The following AP3B1 variants were observed in gnomAD, a reference collection of about 807,000 sequenced individuals.
AP3B1 encodes adaptor related protein complex 3 subunit beta 1.
Under a neutral mutation model 132.5 loss-of-function variants are expected in AP3B1, and 61 were observed. The observed-to-expected ratio is 0.46, with a 90% CI of 0.37 to 0.57. The LOEUF (loss-of-function observed/expected upper bound fraction) is 0.57, where lower values mean the gene tolerates loss of function less well. AP3B1 is among the 20% of genes least tolerant of loss of function. The probability of loss-of-function intolerance (pLI) is 0.00; values close to 1 mark genes in which losing one functional copy is unlikely to be tolerated. For missense variants in AP3B1, 1,120 were observed against 1,289.4 expected (o/e 0.87, Z 2.01); for synonymous variants, 388 against 438.3 (o/e 0.89, Z 1.43).
chr5:78,243,357 C>T (rs1441889091), intron 2 of AP3B1, among the ~76,000 whole-genome samples: 2 of 152,184 alleles, frequency 1.3e-5, no homozygotes, highest in Non-Finnish European at 2.9e-5. Flanking sequence ...TACTCCATGA[C>T]TATCTAACTT....
At chr5:78,011,647 G>A (rs1746631369) in intron 26 of AP3B1, among the ~76,000 whole-genome samples, 1 of 152,034 alleles carries the variant, frequency 6.6e-6, no homozygotes, top group Non-Finnish European at 1.5e-5. Context: ...GCTGTGTTAG[G>A]AATCATTTTC....
chr5:78,067,893 G>A (rs561681563), intron 22 of AP3B1, among the ~76,000 whole-genome samples: 1 of 150,146 alleles, frequency 6.7e-6, no homozygotes, highest in South Asian at 2.1e-4. Flanking sequence ...CCTAGCAGAA[G>A]ACAAGAAATA....
chr5:78,001,277 T>C (rs1340597575), downstream of AP3B1: 1 of 152,226 alleles, frequency 6.6e-6, no homozygotes, highest in East Asian at 1.9e-4. Flanking sequence ...TTCAAAAAGT[T>C]ATTGACTTAA....
intron 7 of AP3B1, among the ~76,000 whole-genome samples, chr5:78,213,379 T>C (rs200217605): frequency 6.6e-6 from 1 of 152,192 alleles, no homozygotes; most frequent in South Asian, 2.1e-4. Flanking sequence ...ACAGACATGG[T>C]CCTAGTGTTG....
intron 24 of AP3B1, among the ~76,000 whole-genome samples, chr5:78,032,776 A>T (rs977995587): frequency 2.6e-5 from 4 of 152,064 alleles, no homozygotes; most frequent in Non-Finnish European, 5.9e-5. Flanking sequence ...AAAACATACT[A>T]ATGTAAATGC....
At chr5:78,188,579 A>C (rs1458953649) in intron 7 of AP3B1, among the ~76,000 whole-genome samples, 2 of 152,224 alleles carry the variant, frequency 1.3e-5, no homozygotes, top group African/African-American at 4.8e-5. Context: ...CTCAAAAAAC[A>C]GACGCTGGCC....
intron 1 of AP3B1, among the ~76,000 whole-genome samples, chr5:78,289,320 T>G (rs1378971748): frequency 6.6e-6 from 1 of 152,236 alleles, no homozygotes. Context: ...ATTTTCATGT[T>G]TGATATTGTA....
intron 21 of AP3B1, among the ~76,000 whole-genome samples, chr5:78,093,431 G>A (rs1750620644): frequency 6.6e-6 from 1 of 152,194 alleles, no homozygotes; most frequent in Non-Finnish European, 1.5e-5. Flanking sequence ...TGGAAGGGGG[G>A]ATTTGCATAT....
intron 7 of AP3B1, among the ~76,000 whole-genome samples, chr5:78,194,925 A>T (rs1029540760): frequency 4.6e-5 from 7 of 152,214 alleles, no homozygotes; most frequent in African/African-American, 1.7e-4. Flanking sequence ...CTATTTCATA[A>T]AATGAGTATA....
chr5:78,225,685 T>A, intron 5 of AP3B1, 77 bp from the exon 6 acceptor site: 1 of 904,534 alleles, frequency 1.1e-6, no homozygotes, highest in South Asian at 1.5e-5. Flanking sequence ...TTCAAGGATG[T>A]TGAGAAATTT....
At chr5:78,165,753 A>G in intron 11 of AP3B1, 81 bp from the exon 12 acceptor site, 1 of 984,296 alleles carries the variant, frequency 1.0e-6, no homozygotes. Flanking sequence ...CATTTAATTG[A>G]AAGTTTATTT....
chr5:78,253,952 C>T (rs1383351267), intron 2 of AP3B1, among the ~76,000 whole-genome samples: 2 of 131,178 alleles, frequency 1.5e-5, no homozygotes, highest in Non-Finnish European at 3.3e-5. Flanking sequence ...AGCAAGACTC[C>T]ACCTCAAAAA....
intron 7 of AP3B1, among the ~76,000 whole-genome samples, chr5:78,201,126 T>C (rs1745272679): frequency 1.3e-5 from 2 of 152,178 alleles, no homozygotes; most frequent in Non-Finnish European, 2.9e-5. Context: ...CTTGCACTTC[T>C]AGATATCAGA....
chr5:78,108,906 C>T (rs1751456007), intron 20 of AP3B1, among the ~76,000 whole-genome samples: 1 of 152,082 alleles, frequency 6.6e-6, no homozygotes, highest in South Asian at 2.1e-4. Context: ...ACAAAATTTC[C>T]TAAGAATAAC....
intron 15 of AP3B1, among the ~76,000 whole-genome samples, chr5:78,139,244 C>T (rs1753045976): frequency 6.6e-6 from 1 of 151,960 alleles, no homozygotes; most frequent in Admixed American, 6.6e-5. Flanking sequence ...AACAATAATC[C>T]ATAAGCTAGA....
At chr5:78,161,555 CAG>C (rs1042300520) in intron 13 of AP3B1, among the ~76,000 whole-genome samples, 4 of 151,672 alleles carry the variant, frequency 2.6e-5, no homozygotes, top group African/African-American at 9.7e-5. Flanking sequence ...GACATAGAAA[CAG>C]AGATAAAAGG....
chr5:78,118,236 G>A (rs1021511587), intron 17 of AP3B1, among the ~76,000 whole-genome samples: 44 of 152,032 alleles, frequency 2.9e-4, no homozygotes, highest in Non-Finnish European at 5.3e-4. Flanking sequence ...GAACAGCTCC[G>A]GTCTACAGCT....
At chr5:78,057,399 G>A (rs1748860607) in intron 22 of AP3B1, among the ~76,000 whole-genome samples, 1 of 152,090 alleles carries the variant, frequency 6.6e-6, no homozygotes, top group African/African-American at 2.4e-5. Flanking sequence ...AAGACACAAA[G>A]TCTGATAGAC....
At chr5:78,086,799 T>C (rs1340858063) in intron 22 of AP3B1, among the ~76,000 whole-genome samples, 1 of 152,182 alleles carries the variant, frequency 6.6e-6, no homozygotes, top group Non-Finnish European at 1.5e-5. Context: ...TTGGACAACG[T>C]GCTTAAAATT....
Sources: gnomAD v4.1 joint callset for allele counts (sites outside exome capture counted in the v4.1 genomes callset) on GRCh38, gnomAD v4.1.1 for gene constraint, MANE v1.5 for transcripts, NCBI Gene and HGNC (gene_info 2026-07-23, HGNC 2026-07-21) for gene names.